EDIL3: variants seen among roughly 807,000 people sequenced by gnomAD.
EDIL3 encodes EGF like and discoidin domains 3, also known as EGF-like repeat and discoidin I-like domain-containing protein 3.
EDIL3 carries 37 observed loss-of-function variants against 67.4 expected under a neutral mutation model. The observed-to-expected ratio is 0.55, with a 90% CI of 0.42 to 0.72. The LOEUF (loss-of-function observed/expected upper bound fraction) is 0.72. EDIL3 is among the 30% of genes least tolerant of loss of function. The pLI, the probability that EDIL3 is intolerant of heterozygous loss-of-function variation, is 0.00. For synonymous variants in EDIL3, 195 were observed against 196.3 expected, an observed-to-expected ratio of 0.99 and a Z score of 0.05; for missense variants, 527 against 586.3, an observed-to-expected ratio of 0.90 and a Z score of 1.04.
At chr5:84,334,657 G>A (rs184011768) in intron 1 of EDIL3, among the ~76,000 whole-genome samples, 42 of 152,214 alleles carry the variant, frequency 2.8e-4, no homozygotes, top group African/African-American at 1.0e-3. Flanking sequence ...GCATTCATTT[G>A]AGCTTAAAGT....
intron 3 of EDIL3, among the ~76,000 whole-genome samples, chr5:84,209,254 T>C (rs1580378266): frequency 1.3e-5 from 2 of 152,038 alleles, no homozygotes; most frequent in African/African-American, 2.4e-5. Flanking sequence ...AGGGATAGCA[T>C]TAGGCGATAC....
intron 9 of EDIL3, among the ~76,000 whole-genome samples, chr5:84,013,172 A>G (rs77663895): frequency 7.8e-4 from 119 of 152,056 alleles, no homozygotes; most frequent in Non-Finnish European, 1.5e-3. Flanking sequence ...TTTTTAAATA[A>G]TCATATACAT....
chr5:84,319,524 G>C (rs1320717296), intron 1 of EDIL3, among the ~76,000 whole-genome samples: 2 of 38,616 alleles, frequency 5.2e-5, no homozygotes, highest in Non-Finnish European at 1.1e-4. Context: ...AAAAAAAAAA[G>C]AAATAGGAAT....
intron 6 of EDIL3, among the ~76,000 whole-genome samples, chr5:84,067,306 A>C (rs1561420790): frequency 6.6e-6 from 1 of 152,184 alleles, no homozygotes; most frequent in Non-Finnish European, 1.5e-5. Context: ...ACATACATCA[A>C]ATAAAATTGT....
At chr5:84,142,739 C>T (rs1748221763) in intron 4 of EDIL3, among the ~76,000 whole-genome samples, 1 of 151,768 alleles carries the variant, frequency 6.6e-6, no homozygotes. Flanking sequence ...TTGAGGCCCC[C>T]AAGAACATCA....
chr5:84,132,510 T>A lies in EDIL3; in HGVS notation c.469+4731A>T, dbSNP rs1243524186. Reference sequence around the variant, plus strand: ...TATATATTATATATTTTATATATAATATATATTTTAATATATATTATATAT... The same window carrying A: ...TATATATTATATATTTTATATATAAAATATATTTTAATATATATTATATAT... On this transcript the variant is annotated intron_variant, in intron 5 of 10. Coordinates refer to ENST00000296591, the MANE Select transcript of EDIL3 (RefSeq NM_005711.5). 4.7e-4 allele frequency among the ~76,000 whole-genome samples: 51 copies of A among 109,020 alleles called. 2 individuals carry two copies. In the East Asian group the frequency reaches 0.011, roughly 23 times the overall value. 71.5% of individuals were successfully genotyped at this position (109,020 alleles called of 152,430 possible).
intron 6 of EDIL3, among the ~76,000 whole-genome samples, chr5:84,100,579 G>T (rs1287631738): frequency 6.6e-6 from 1 of 151,950 alleles, no homozygotes; most frequent in African/African-American, 2.4e-5. Flanking sequence ...TGTTGAGTGG[G>T]GCAGCTAGGG....
intron 9 of EDIL3, among the ~76,000 whole-genome samples, chr5:84,011,294 T>C (rs1369765641): frequency 6.6e-6 from 1 of 152,196 alleles, no homozygotes; most frequent in Non-Finnish European, 1.5e-5. Flanking sequence ...TCATACTTGA[T>C]TTCTCCTGGC....
At chr5:84,266,431 C>G (rs1299022090) in intron 1 of EDIL3, among the ~76,000 whole-genome samples, 1 of 152,162 alleles carries the variant, frequency 6.6e-6, no homozygotes, top group African/African-American at 2.4e-5. Context: ...TTGACCTTAT[C>G]TGTCTATCTC....
chr5:84,282,310 T>C (rs1745720912), intron 1 of EDIL3, among the ~76,000 whole-genome samples: 1 of 152,174 alleles, frequency 6.6e-6, no homozygotes, highest in Non-Finnish European at 1.5e-5. Context: ...AATGCATGAT[T>C]TGTACTTTTA....
At chr5:84,232,842 A>G (rs777833356) in intron 2 of EDIL3, among the ~76,000 whole-genome samples, 1 of 152,204 alleles carries the variant, frequency 6.6e-6, no homozygotes, top group Non-Finnish European at 1.5e-5. Context: ...TGAACAAAAC[A>G]TCATCAACTA....
rs1747278522 is a variant in EDIL3, at chr5:84,348,477, A to T, written c.67+35831T>A. Among the ~76,000 whole-genome samples, 5 of 152,264 alleles carry T rather than the reference A, an allele frequency of 3.3e-5. No homozygotes were observed. The South Asian group carries it at 1.0e-3, about 32-fold the overall frequency. On this transcript the variant is annotated intron_variant, in intron 1 of 10. Coordinates refer to ENST00000296591, the MANE Select transcript of EDIL3 (RefSeq NM_005711.5). The stretch of plus-strand genomic sequence containing the variant: ...ATATTCTAAAAAATAATTATTAAAA[A>T]ATCTAACTTACTAAGCTTCCTTATT...
chr5:84,151,977 G>A (rs1261854628), intron 4 of EDIL3, among the ~76,000 whole-genome samples: 2 of 150,498 alleles, frequency 1.3e-5, no homozygotes, highest in African/African-American at 2.5e-5. Context: ...GCAGTGGCAC[G>A]ATCTAGGCTC....
chr5:84,074,713 G>C (rs1746817383), intron 6 of EDIL3, among the ~76,000 whole-genome samples: 2 of 151,978 alleles, frequency 1.3e-5, no homozygotes, highest in Admixed American at 1.3e-4. Flanking sequence ...GTGCTGGAGA[G>C]GATGTGGAGA....
intron 1 of EDIL3, among the ~76,000 whole-genome samples, chr5:84,274,052 T>G (rs912548498): frequency 7.9e-5 from 12 of 152,182 alleles, no homozygotes; most frequent in African/African-American, 2.9e-4. Flanking sequence ...GTTGTTATAG[T>G]TCTGATTTGA....
chr5:83,983,130 T>C (rs183931078), intron 9 of EDIL3, among the ~76,000 whole-genome samples: 1 of 152,250 alleles, frequency 6.6e-6, no homozygotes, highest in Non-Finnish European at 1.5e-5. Context: ...TTTAGTCAGG[T>C]TCTAGAACCT....
At chr5:83,977,488 C>T (rs905835624) in intron 9 of EDIL3, among the ~76,000 whole-genome samples, 1 of 151,732 alleles carries the variant, frequency 6.6e-6, no homozygotes, top group Non-Finnish European at 1.5e-5. Flanking sequence ...CACTCTCTGT[C>T]TTCTGTGGAG....
chr5:84,285,923 G>A (rs1299724542), intron 1 of EDIL3, among the ~76,000 whole-genome samples: 1 of 152,182 alleles, frequency 6.6e-6, no homozygotes, highest in Non-Finnish European at 1.5e-5. Context: ...AACACGCAGA[G>A]CACAGAACTG....
intron 1 of EDIL3, among the ~76,000 whole-genome samples, chr5:84,341,092 C>T (rs1747102156): frequency 6.6e-6 from 1 of 151,984 alleles, no homozygotes; most frequent in Non-Finnish European, 1.5e-5. Context: ...ATTTCCTTTC[C>T]AGCTTGTATT....
Sources: allele counts gnomAD v4.1 joint callset (sites outside exome capture counted in the v4.1 genomes callset), GRCh38; gene constraint gnomAD v4.1.1; transcripts MANE v1.5; gene names NCBI Gene and HGNC (gene_info 2026-07-23, HGNC 2026-07-21).